Variants in RABGAP1 observed in about 807,000 individuals in gnomAD.
The protein encoded by RABGAP1 is rab GTPase-activating protein 1.
A neutral mutation model predicts 137.6 loss-of-function variants in RABGAP1; 23 were observed. The ratio of observed to expected loss-of-function variants is 0.17; its 90% CI spans 0.12 to 0.24. The LOEUF is 0.24. RABGAP1 is among the 10% of genes least tolerant of loss of function. The probability of loss-of-function intolerance (pLI) is 1.00; values close to 1 mark genes in which losing one functional copy is unlikely to be tolerated. For missense variants in RABGAP1, 906 were observed against 1,275.8 expected, an observed-to-expected ratio of 0.71 and a Z score of 4.42; for synonymous variants, 451 against 450.7, an observed-to-expected ratio of 1.00 and a Z score of -0.01.
intron 4 of RABGAP1, among the ~76,000 whole-genome samples, chr9:122,986,709 C>T (rs1836390300): frequency 6.6e-6 from 1 of 152,064 alleles, no homozygotes; most frequent in Non-Finnish European, 1.5e-5. Context: ...TTATATTTTC[C>T]ATGTTCCTTT....
chr9:123,038,111 G>GT lies in RABGAP1; in HGVS notation c.1794+17658dup, dbSNP rs1195832998. Among the ~76,000 whole-genome samples the GT allele has an allele frequency of 1.1e-4, 17 of 152,126 alleles. No individual in the cohort carries two copies. The East Asian group carries it at 1.7e-3, about 16-fold the overall frequency. Reference sequence around the variant, plus strand: ...TAATGCAGTGATTTCAGTGAAAGTGGTTTTTTCCCCCTTCTTAGAGTAGAA... The same window carrying GT: ...TAATGCAGTGATTTCAGTGAAAGTGGTTTTTTTCCCCCTTCTTAGAGTAGAA... On this transcript the variant is annotated intron_variant, in intron 13 of 25. Coordinates refer to ENST00000373647, the MANE Select transcript of RABGAP1 (RefSeq NM_012197.4).
intron 13 of RABGAP1, among the ~76,000 whole-genome samples, chr9:123,044,383 T>C (rs2033104587): frequency 2.6e-5 from 4 of 152,344 alleles, no homozygotes; most frequent in Admixed American, 2.6e-4. Context: ...ATTAATTGTC[T>C]CATTTAATCC....
chr9:123,102,110 A>T (rs2035362918), intron 25 of RABGAP1, among the ~76,000 whole-genome samples: 1 of 152,216 alleles, frequency 6.6e-6, no homozygotes, highest in South Asian at 2.1e-4. Flanking sequence ...ACAAATGGAA[A>T]TGATGAGAGT....
At chr9:123,028,981 G>A (rs780735883) in intron 13 of RABGAP1, among the ~76,000 whole-genome samples, 44 of 152,128 alleles carry the variant, frequency 2.9e-4, no homozygotes, top group Non-Finnish European at 5.6e-4. Context: ...CTTATTATCT[G>A]TATTATCAGG....
chr9:123,039,667 C>T (rs574126125), intron 13 of RABGAP1, among the ~76,000 whole-genome samples: 15 of 152,182 alleles, frequency 9.9e-5, no homozygotes, highest in African/African-American at 1.7e-4. Flanking sequence ...TCTGTAGCTT[C>T]GGCCCAGAGA....
intron 13 of RABGAP1, chr9:123,062,304 G>A (rs1406054012): frequency 1.3e-5 from 2 of 152,210 alleles, no homozygotes; most frequent in African/African-American, 4.8e-5. Context: ...GCTTAATTTT[G>A]TAAGCACTTG....
chr9:123,039,400 C>T (rs1396497268), intron 13 of RABGAP1, among the ~76,000 whole-genome samples: 1 of 152,094 alleles, frequency 6.6e-6, no homozygotes, highest in Admixed American at 6.5e-5. Context: ...TGGCTCAGAG[C>T]AGAAGTTTTA....
At chr9:122,965,660 A>G (rs1470878793) in intron 2 of RABGAP1, among the ~76,000 whole-genome samples, 1 of 152,266 alleles carries the variant, frequency 6.6e-6, no homozygotes, top group Non-Finnish European at 1.5e-5. Context: ...CTAGGATTAC[A>G]GGCGTGAGCC....
At position 122,957,120 on chromosome 9, in the gene RABGAP1, A is replaced by C; in HGVS notation, c.61A>C (p.Asn21His). ...SVSSDSVSTL[N>H]SEDFVLVSRQ... ...CTCTTCAGACTCAGTATCTACTCTT[A>C]ATAGTGAAGATTTTGTCTTGGTTTC... Residue 21 changes from asparagine to histidine, a missense_variant, in exon 2 of 26, where the codon AAT becomes CAT. Asn to His is a moderately conservative substitution (Grantham distance 68). Transcript: ENST00000373647. The C allele has an allele frequency of 6.4e-7, 1 of 1,573,344 alleles. No homozygotes were observed. Among genetic ancestry groups the C allele is most frequent in the Non-Finnish European group, 8.7e-7 (1 of 1,151,690 alleles).
intron 13 of RABGAP1, among the ~76,000 whole-genome samples, chr9:123,061,316 T>C (rs1484188406): frequency 6.6e-6 from 1 of 152,176 alleles, no homozygotes; most frequent in Non-Finnish European, 1.5e-5. Flanking sequence ...GATTTTGCCA[T>C]GTTGCCCAGG....
chr9:122,948,730 T>A (rs1834068089), intron 1 of RABGAP1, among the ~76,000 whole-genome samples: 1 of 152,164 alleles, frequency 6.6e-6, no homozygotes, highest in Non-Finnish European at 1.5e-5. Context: ...TTTTTGTGAC[T>A]GTGTTAACTG....
chr9:123,065,824 C>T (rs981338815), intron 14 of RABGAP1, among the ~76,000 whole-genome samples: 3 of 152,170 alleles, frequency 2.0e-5, no homozygotes, highest in East Asian at 3.8e-4. Flanking sequence ...ACCTACGGTA[C>T]GGTCTCACAG....
intron 16 of RABGAP1, 148 bp downstream of exon 16, chr9:123,073,825 G>A: frequency 9.0e-7 from 1 of 1,107,092 alleles, no homozygotes; most frequent in Non-Finnish European, 1.3e-6. Context: ...ATCACTATGT[G>A]ATTATGATGC....
intron 4 of RABGAP1, among the ~76,000 whole-genome samples, chr9:122,986,853 T>A (rs1451635138): frequency 6.6e-6 from 1 of 152,118 alleles, no homozygotes; most frequent in Non-Finnish European, 1.5e-5. Flanking sequence ...ACTGGCTAGG[T>A]GCAGTGGTTC....
At chr9:122,988,137 C>T (rs2416896) in intron 4 of RABGAP1, among the ~76,000 whole-genome samples, 1 of 152,140 alleles carries the variant, frequency 6.6e-6, no homozygotes, top group African/African-American at 2.4e-5. Context: ...AATACTCATT[C>T]CTCTAACTGA....
chr9:123,079,215 T>G (rs1219362578), intron 19 of RABGAP1, among the ~76,000 whole-genome samples: 1 of 144,702 alleles, frequency 6.9e-6, no homozygotes, highest in Non-Finnish European at 1.5e-5. Context: ...TGTTGTTTGT[T>G]TTTTTGTTTT....
intron 10 of RABGAP1, among the ~76,000 whole-genome samples, chr9:123,002,556 G>A (rs1338800864): frequency 6.6e-6 from 1 of 151,452 alleles, no homozygotes; most frequent in Admixed American, 6.6e-5. Context: ...TTCAAAGACT[G>A]CATGGGTTTA....
the RABGAP1 span, among the ~76,000 whole-genome samples, chr9:122,931,709 T>C: frequency 6.6e-6 from 1 of 152,210 alleles, no homozygotes; most frequent in Non-Finnish European, 1.5e-5. Context: ...CTAGCTTCAC[T>C]GCCTACTACC....
intron 13 of RABGAP1, chr9:123,062,038 AGGC>A (rs2033992109): frequency 6.6e-6 from 1 of 152,226 alleles, no homozygotes; most frequent in Admixed American, 6.5e-5. Flanking sequence ...TGGGAGGTCA[AGGC>A]GTGCGCATCA....
Sources: allele counts gnomAD v4.1 joint callset (sites outside exome capture counted in the v4.1 genomes callset), GRCh38; gene constraint gnomAD v4.1.1; transcripts MANE v1.5; gene names NCBI Gene and HGNC (gene_info 2026-07-23, HGNC 2026-07-21).